TPRG1: variants seen among roughly 807,000 people sequenced by gnomAD.
TPRG1 encodes tumor protein p63 regulated 1, also known as tumor protein p63-regulated gene 1 protein.
A neutral mutation model predicts 29.3 loss-of-function variants in TPRG1; 29 were observed. That is an observed-to-expected ratio of 0.99 (90% CI 0.74 to 1.35). The LOEUF (loss-of-function observed/expected upper bound fraction) is 1.35, where lower values mean the gene tolerates loss of function less well. TPRG1 is among the 40% of genes most tolerant of loss of function. The probability of loss-of-function intolerance (pLI) is 0.00; values close to 1 mark genes in which losing one functional copy is unlikely to be tolerated. For synonymous variants in TPRG1, 130 were observed against 116.8 expected, an observed-to-expected ratio of 1.11 and a Z score of -0.73; for missense variants, 327 against 335.0, an observed-to-expected ratio of 0.98 and a Z score of 0.19.
chr3:189,292,704 G>T lies in TPRG1; in HGVS notation c.480-17682G>T, dbSNP rs1340295595. ...TTTATGGAATAAACCATACACACTT[G>T]CAGAAAACAACTGAGCAAAAGCTTT... On this transcript the variant is annotated intron_variant, in intron 4 of 5. Transcript: ENST00000345063. 2.6e-5 allele frequency among the ~76,000 whole-genome samples: 4 copies of T among 152,134 alleles called. No individual in the cohort carries two copies. In the East Asian group the frequency reaches 7.7e-4, roughly 29 times the overall value.
intron 4 of TPRG1, among the ~76,000 whole-genome samples, chr3:189,261,442 A>C (rs1473496531): frequency 6.6e-6 from 1 of 151,704 alleles, no homozygotes; most frequent in Non-Finnish European, 1.5e-5. Context: ...AAAGCCATTG[A>C]CTTAATAATC....
rs1411209028 is a variant in TPRG1 at position 189,148,554 on chromosome 3, G to T, written c.-227+907G>T. ...GGGGCACATCATGGGTCATTGCATG[G>T]TGTGAGTTGTTAGTTCAGCCTGGCT... On this transcript the variant is annotated intron_variant, in intron 4 of 6. Transcript: ENST00000412373. 3.9e-5 allele frequency among the ~76,000 whole-genome samples: 6 copies of T among 152,156 alleles called. No individual in the cohort carries two copies. In the East Asian group the frequency reaches 7.7e-4, roughly 20 times the overall value.
upstream of TPRG1, among the ~76,000 whole-genome samples, chr3:189,097,814 T>C (rs75925198): frequency 6.6e-6 from 1 of 152,194 alleles, no homozygotes; most frequent in Non-Finnish European, 1.5e-5. Flanking sequence ...TGAAAATAAT[T>C]GGACCTTGTG....
chr3:189,308,964 G>T (rs971654443), intron 4 of TPRG1, among the ~76,000 whole-genome samples: 1 of 150,786 alleles, frequency 6.6e-6, no homozygotes, highest in Non-Finnish European at 1.5e-5. Context: ...GAGGGAGAAA[G>T]AAAACTTTAG....
intron 5 of TPRG1, among the ~76,000 whole-genome samples, chr3:189,159,868 G>GTGTGTGT (rs141895328): frequency 0.015 from 2,245 of 146,614 alleles, 39 homozygotes; most frequent in African/African-American, 0.035. Flanking sequence ...GTGTGTGTGT[G>GTGTGTGT]GTGGTGGGGG....
chr3:189,172,650 A>G (rs1015813648), intron 1 of TPRG1, among the ~76,000 whole-genome samples: 1 of 152,204 alleles, frequency 6.6e-6, no homozygotes, highest in Non-Finnish European at 1.5e-5. Flanking sequence ...GCAGTTTGAG[A>G]GGGTTATTTT....
chr3:189,134,738 T>A (rs940658311), intron 3 of TPRG1, among the ~76,000 whole-genome samples: 1 of 152,138 alleles, frequency 6.6e-6, no homozygotes, highest in Non-Finnish European at 1.5e-5. Flanking sequence ...TTTAAATACA[T>A]TTTACTCATA....
intron 3 of TPRG1, among the ~76,000 whole-genome samples, chr3:189,228,100 A>C (rs4687032): frequency 6.6e-6 from 1 of 151,984 alleles, no homozygotes; most frequent in Non-Finnish European, 1.5e-5. Flanking sequence ...CAGCCTGGGC[A>C]ACAGAGCGAG....
rs1216914472 is a variant in TPRG1 at position 189,017,696 on chromosome 3, G to A, written c.-659-6054G>A. On this transcript the variant is annotated intron_variant, in intron 3 of 10. Coordinates refer to the TPRG1 transcript ENST00000433971. The stretch of plus-strand genomic sequence containing the variant: ...ATAGTGCCGCTATAAACATACGTGT[G>A]CATGTCTCTTTATAGCAGCATGATT... Among the ~76,000 whole-genome samples, 5 of 152,306 alleles carry A rather than the reference G, an allele frequency of 3.3e-5. No homozygotes were observed. In the East Asian group the frequency reaches 5.8e-4, roughly 18 times the overall value.
intron 4 of TPRG1, among the ~76,000 whole-genome samples, chr3:189,031,812 C>T (rs927288278): frequency 6.6e-6 from 1 of 152,020 alleles, no homozygotes; most frequent in African/African-American, 2.4e-5. Context: ...AAAGTGTTTC[C>T]TAAACAAAGA....
intron 1 of TPRG1, among the ~76,000 whole-genome samples, chr3:189,175,718 C>T (rs549604304): frequency 6.6e-6 from 1 of 152,248 alleles, no homozygotes. Context: ...TGGTGCTATA[C>T]AGTAGAATTA....
At chr3:189,147,202 A>T (rs1725380579) in intron 3 of TPRG1, among the ~76,000 whole-genome samples, 1 of 152,218 alleles carries the variant, frequency 6.6e-6, no homozygotes, top group Non-Finnish European at 1.5e-5. Flanking sequence ...TCTCCAGGGT[A>T]GACCCTTGAG....
chr3:189,152,056 A>G (rs528249051), intron 5 of TPRG1, among the ~76,000 whole-genome samples: 51 of 152,186 alleles, frequency 3.4e-4, no homozygotes, highest in African/African-American at 1.2e-3. Flanking sequence ...GCAGATGTGC[A>G]TGGCTTGGTG....
At chr3:189,087,300 G>A (rs1352933525) in intron 4 of TPRG1, among the ~76,000 whole-genome samples, 2 of 152,316 alleles carry the variant, frequency 1.3e-5, no homozygotes, top group East Asian at 1.9e-4. Flanking sequence ...CTGCATAAAT[G>A]TCTTCTTTTG....
rs112929639 is a variant in TPRG1 at position 189,018,838 on chromosome 3, T to C, written c.-659-4912T>C. ...ACCTTGGGCAGTATGGCCATTTTCA[T>C]GATATTGATTCTTCCTACCCATGAG... is the stretch of plus-strand genomic sequence containing the variant. On this transcript the variant is annotated intron_variant, in intron 3 of 10. Coordinates refer to the TPRG1 transcript ENST00000433971. Among the ~76,000 whole-genome samples the C allele has an allele frequency of 1.4e-4, 21 of 147,922 alleles. No individual in the cohort carries two copies. The East Asian group carries it at 3.3e-3, about 23-fold the overall frequency.
rs112114177 is a variant in TPRG1, at chr3:189,187,073, G to T, written c.-10+14942G>T. The stretch of plus-strand genomic sequence containing the variant: ...ACCATTTCGGCTCACTGCAACACTT[G>T]CCTCTCAGGCCCAAGTGATCCTCTC... On this transcript the variant is annotated intron_variant, in intron 1 of 5. Coordinates refer to ENST00000345063, the MANE Select transcript of TPRG1 (RefSeq NM_198485.4). Among the ~76,000 whole-genome samples the T allele has an allele frequency of 7.1e-4, 89 of 125,136 alleles. 3 individuals are homozygous for T. The highest frequency in any genetic ancestry group is 6.1e-3 in the Middle Eastern group (1 of 164). 82.1% of individuals were successfully genotyped at this position (125,136 alleles called of 152,430 possible).
upstream of TPRG1, among the ~76,000 whole-genome samples, chr3:189,170,255 T>G (rs530505509): frequency 1.3e-5 from 2 of 152,202 alleles, no homozygotes; most frequent in Non-Finnish European, 2.9e-5. Context: ...TTGTGGCGTC[T>G]AAGTGGTGTG....
upstream of TPRG1, among the ~76,000 whole-genome samples, chr3:189,168,633 G>A (rs1000344726): frequency 2.0e-5 from 3 of 152,144 alleles, no homozygotes; most frequent in Admixed American, 1.3e-4. Context: ...TACTAGTGAC[G>A]TGTGTGGTGT....
At chr3:189,075,427 C>A (rs1717104786) in intron 4 of TPRG1, among the ~76,000 whole-genome samples, 1 of 152,206 alleles carries the variant, frequency 6.6e-6, no homozygotes, top group African/African-American at 2.4e-5. Flanking sequence ...TGAGCCACTG[C>A]ACCTGGTGCA....
Sources: allele counts gnomAD v4.1 joint callset (sites outside exome capture counted in the v4.1 genomes callset), GRCh38; gene constraint gnomAD v4.1.1; transcripts MANE v1.5; gene names NCBI Gene and HGNC (gene_info 2026-07-23, HGNC 2026-07-21).